Variants in MAPK4 observed in about 807,000 individuals in gnomAD.
MAPK4 encodes mitogen-activated protein kinase 4.
Under a neutral mutation model 47.7 loss-of-function variants are expected in MAPK4, and 22 were observed. That is an observed-to-expected ratio of 0.46 (90% CI 0.33 to 0.66). The LOEUF (loss-of-function observed/expected upper bound fraction) is 0.66, where lower values mean the gene tolerates loss of function less well. MAPK4 is among the 30% of genes least tolerant of loss of function. The probability of loss-of-function intolerance (pLI) is 0.02; values close to 1 mark genes in which losing one functional copy is unlikely to be tolerated. For synonymous variants in MAPK4, 390 were observed against 365.7 expected, an observed-to-expected ratio of 1.07 and a Z score of -0.76; for missense variants, 736 against 831.7, an observed-to-expected ratio of 0.88 and a Z score of 1.42.
intron 1 of MAPK4, among the ~76,000 whole-genome samples, chr18:50,637,357 CAT>C (rs1406958364): frequency 2.0e-5 from 3 of 152,146 alleles, no homozygotes. Context: ...CCATTTGACA[CAT>C]GTTGAAGGTC....
At chr18:50,580,099 G>T (rs2042330448) in intron 1 of MAPK4, among the ~76,000 whole-genome samples, 1 of 152,168 alleles carries the variant, frequency 6.6e-6, no homozygotes, top group Non-Finnish European at 1.5e-5. Context: ...AGCCTAGCAG[G>T]GATCTCAGCA....
At chr18:50,720,195 T>C (rs1385675879) in intron 3 of MAPK4, among the ~76,000 whole-genome samples, 2 of 152,102 alleles carry the variant, frequency 1.3e-5, no homozygotes, top group African/African-American at 4.8e-5. Flanking sequence ...AAAGAATCAC[T>C]CACGGATGAT....
intron 2 of MAPK4, among the ~76,000 whole-genome samples, chr18:50,667,583 C>T (rs1907676253): frequency 1.3e-5 from 2 of 152,162 alleles, no homozygotes; most frequent in South Asian, 4.1e-4. Context: ...GATCTCCACT[C>T]CCTTTGAAGA....
chr18:50,633,215 C>T (rs917580204), intron 1 of MAPK4, among the ~76,000 whole-genome samples: 2 of 152,188 alleles, frequency 1.3e-5, no homozygotes, highest in Non-Finnish European at 1.5e-5. Context: ...AAGGTCTTCT[C>T]GTGGAGTCTA....
chr18:50,571,293 C>T (rs2042247867), intron 1 of MAPK4, among the ~76,000 whole-genome samples: 2 of 152,152 alleles, frequency 1.3e-5, no homozygotes, highest in South Asian at 2.1e-4. Flanking sequence ...TCCTCCAATT[C>T]GATTTCAGTA....
At chr18:50,588,075 C>A (rs530172335) in intron 1 of MAPK4, among the ~76,000 whole-genome samples, 3 of 151,698 alleles carry the variant, frequency 2.0e-5, no homozygotes, top group African/African-American at 7.3e-5. Context: ...TCTTTTTTGT[C>A]GTGGTAGAAC....
At chr18:50,686,256 A>C (rs1423054448) in intron 2 of MAPK4, among the ~76,000 whole-genome samples, 1 of 152,212 alleles carries the variant, frequency 6.6e-6, no homozygotes, top group East Asian at 1.9e-4. Flanking sequence ...AAATTCAGAA[A>C]GACTGGAAGC....
At chr18:50,674,042 G>C (rs1173353979) in intron 2 of MAPK4, among the ~76,000 whole-genome samples, 1 of 152,068 alleles carries the variant, frequency 6.6e-6, no homozygotes, top group Non-Finnish European at 1.5e-5. Context: ...TGAAGTGGGA[G>C]GGCCTCGGTG....
At chr18:50,585,403 C>G (rs2042379509) in intron 1 of MAPK4, among the ~76,000 whole-genome samples, 2 of 152,162 alleles carry the variant, frequency 1.3e-5, no homozygotes, top group Admixed American at 1.3e-4. Context: ...TGCTAGGTGC[C>G]AGGTGGGGCC....
At chr18:50,637,247 G>A (rs927160017) in intron 1 of MAPK4, among the ~76,000 whole-genome samples, 1 of 152,104 alleles carries the variant, frequency 6.6e-6, no homozygotes, top group African/African-American at 2.4e-5. Flanking sequence ...TTTATTGAGC[G>A]CATAGCATGG....
At chr18:50,675,420 G>A (rs941258029) in intron 2 of MAPK4, among the ~76,000 whole-genome samples, 4 of 151,858 alleles carry the variant, frequency 2.6e-5, no homozygotes, top group African/African-American at 9.7e-5. Flanking sequence ...GGGTTCATGC[G>A]ATTCTCCTGC....
chr18:50,597,898 T>TA (rs2042497740), intron 1 of MAPK4, among the ~76,000 whole-genome samples: 1 of 152,162 alleles, frequency 6.6e-6, no homozygotes, highest in African/African-American at 2.4e-5. Flanking sequence ...TCTGAAAATA[T>TA]ATAAAAGTGG....
At chr18:50,699,692 C>G (rs1373990520) in intron 2 of MAPK4, among the ~76,000 whole-genome samples, 1 of 152,206 alleles carries the variant, frequency 6.6e-6, no homozygotes, top group East Asian at 1.9e-4. Context: ...TCAGTTGCCA[C>G]AAGCCCGGGG....
intron 1 of MAPK4, among the ~76,000 whole-genome samples, chr18:50,651,200 C>T (rs969775924): frequency 1.3e-5 from 2 of 152,236 alleles, no homozygotes; most frequent in African/African-American, 2.4e-5. Flanking sequence ...TGAGAGCTTA[C>T]AGTGGATTCC....
intron 1 of MAPK4, among the ~76,000 whole-genome samples, chr18:50,576,138 T>TG (rs551768899): frequency 0.039 from 1,430 of 36,480 alleles, 6 homozygotes; most frequent in East Asian, 0.12. Context: ...TCCTTTTTTT[T>TG]TGGGTATATA....
At chr18:50,652,117 G>T (rs2043056581) in intron 1 of MAPK4, among the ~76,000 whole-genome samples, 1 of 152,196 alleles carries the variant, frequency 6.6e-6, no homozygotes, top group South Asian at 2.1e-4. Context: ...ACCTCACAGA[G>T]ATGAGACTTC....
intron 2 of MAPK4, among the ~76,000 whole-genome samples, chr18:50,713,563 G>T (rs536111791): frequency 6.6e-6 from 1 of 152,322 alleles, no homozygotes; most frequent in South Asian, 2.1e-4. Flanking sequence ...TGGGCTATGC[G>T]CAGTAGCTGC....
At chr18:50,650,633 C>G (rs1017518309) in intron 1 of MAPK4, among the ~76,000 whole-genome samples, 2 of 152,166 alleles carry the variant, frequency 1.3e-5, no homozygotes, top group African/African-American at 4.8e-5. Flanking sequence ...AGGCCAAGTG[C>G]TGTACTAGGC....
At chr18:50,586,064 A>G (rs886456686) in intron 1 of MAPK4, among the ~76,000 whole-genome samples, 3 of 152,234 alleles carry the variant, frequency 2.0e-5, no homozygotes, top group African/African-American at 7.2e-5. Context: ...ATGACCCATT[A>G]TCATCAGTGG....
Sources: allele counts gnomAD v4.1 joint callset (sites outside exome capture counted in the v4.1 genomes callset), GRCh38; gene constraint gnomAD v4.1.1; transcripts MANE v1.5; gene names NCBI Gene and HGNC (gene_info 2026-07-23, HGNC 2026-07-21).